Variants in RAVER1 observed in about 807,000 individuals in gnomAD.
The protein encoded by RAVER1 is ribonucleoprotein, PTB binding 1.
A neutral mutation model predicts 68.4 loss-of-function variants in RAVER1; 36 were observed. That is an observed-to-expected ratio of 0.53 (90% confidence interval 0.40 to 0.70). RAVER1 has a LOEUF of 0.70. Among genes scored for constraint, RAVER1 ranks in the 30% least tolerant of loss-of-function variants. The pLI is 0.00. For missense variants in RAVER1, 933 were observed against 1,019.8 expected, an observed-to-expected ratio of 0.91 and a Z score of 1.16; for synonymous variants, 469 against 472.7, an observed-to-expected ratio of 0.99 and a Z score of 0.10.
chr19:10,320,525 G>C, intron 9 of RAVER1, 130 bp downstream of exon 9: 7 of 549,164 alleles, frequency 1.3e-5, no homozygotes, highest in African/African-American at 2.1e-5. Context: ...AAAAAAAAAA[G>C]CAGAGACCAT....
chr19:10,333,363 C>T lies in RAVER1; in HGVS notation c.145G>A (p.Glu49Lys). 1.9e-6 allele frequency: 3 copies of T among 1,613,904 alleles called. No individual in the cohort carries two copies. Among genetic ancestry groups the T allele is most frequent in the Middle Eastern group, 1.6e-4 (1 of 6,062 alleles). The change falls in exon 1 of 13, where the codon GAA becomes AAA. Residue 49 changes from glutamate to lysine, a missense_variant. By Grantham distance (56) the Glu-to-Lys change is moderately conservative. Around this residue, in one of 3 missense-constraint regions of RAVER1, gnomAD observed 211 missense variants for 230.0 expected, o/e 0.92. Coordinates refer to ENST00000617231, the MANE Select transcript of RAVER1 (RefSeq NM_133452.3). This position sits in a 1 kb window ranked among gnomAD's most constrained non-coding sequence, Gnocchi z 4.2. ...TTACGGAACTGGCGCTCGGTGTGTT[C>T]CAGGCGTTTCCGGATCTCTTCTGGA... is the stretch of plus-strand genomic sequence containing the variant. ...LDPEEIRKRLEHTERQFRNRR... is the reference protein window; with the variant it reads ...LDPEEIRKRLKHTERQFRNRR...
In RAVER1 at chr19:10,317,210, G is replaced by A; in HGVS notation, c.*244C>T. ...GGGGGAGGGAGGGAGAGCAGGCCGG[G>A]GCCCCTCTCTCTTAAGGCTGCAGGG... On this transcript the variant is annotated 3_prime_UTR_variant, in exon 13 of 13. Coordinates refer to ENST00000617231, the MANE Select transcript of RAVER1 (RefSeq NM_133452.3). The surrounding 1 kb of genome is among the most constrained non-coding windows in gnomAD (Gnocchi z 4.3). 3.7e-6 allele frequency: 2 copies of A among 544,224 alleles called. No homozygotes were observed. The highest frequency in any genetic ancestry group is 6.5e-6 in the Non-Finnish European group (2 of 307,596). 33.7% of individuals were successfully genotyped at this position (544,224 alleles called of 1,614,324 possible).
chr19:10,332,877 A>G (rs980112737), intron 1 of RAVER1, among the ~76,000 whole-genome samples: 1 of 152,212 alleles, frequency 6.6e-6, no homozygotes, highest in African/African-American at 2.4e-5. Context: ...TACTCTCCGC[A>G]GTCCTGAAAC....
chr19:10,322,336 G>A lies in RAVER1; in HGVS notation c.1173+309C>T, dbSNP rs568487538. The A allele has an allele frequency of 1.5e-4, 58 of 385,622 alleles. No homozygotes were observed. Among genetic ancestry groups the A allele is most frequent in the South Asian group, 8.5e-5 (2 of 23,440 alleles). 23.9% of individuals were successfully genotyped at this position (385,622 alleles called of 1,614,324 possible). A position where few individuals can be genotyped will look rare whatever the true frequency, so the allele number is the denominator to read the frequency against. ...TATTCACAAACTGGTGCCCAGCAGC[G>A]GCGCTCCCAGCCCACACCCAGTTTC... is the stretch of plus-strand genomic sequence containing the variant. On this transcript the variant is annotated intron_variant, in intron 6 of 12. Coordinates refer to ENST00000617231, the MANE Select transcript of RAVER1 (RefSeq NM_133452.3). The surrounding 1 kb of genome is among the most constrained non-coding windows in gnomAD (Gnocchi z 4.3).
At chr19:10,330,891 T>C (rs561242962) in intron 1 of RAVER1, among the ~76,000 whole-genome samples, 129 of 146,298 alleles carry the variant, frequency 8.8e-4, no homozygotes, top group Non-Finnish European at 1.7e-3. Context: ...TGGTGAAACC[T>C]TGTCTCTACT....
intron 10 of RAVER1, among the ~76,000 whole-genome samples, chr19:10,318,931 G>A (rs1260776489): frequency 6.6e-6 from 1 of 152,168 alleles, no homozygotes; most frequent in Non-Finnish European, 1.5e-5. Flanking sequence ...TGTGATCCTA[G>A]CACTTTGGGA....
rs200307347 is a variant in RAVER1 at position 10,319,227 on chromosome 19, C to T, written c.1784G>A (p.Arg595Gln). 18 of 1,613,540 alleles carry T rather than the reference C, an allele frequency of 1.1e-5. No homozygotes were observed. The highest frequency in any genetic ancestry group is 1.4e-5 in the Non-Finnish European group (17 of 1,179,662). Reference protein sequence around the residue: ...SFDYPSDMGPRRLFSHPREPA... With the variant: ...SFDYPSDMGPQRLFSHPREPA... ...TTCCCGTGGGTGGGAGAAGAGCCGC[C>T]GAGGTCCCATGTCCTGAATGAAAGC... Residue 595 changes from arginine (R) to glutamine (Q), a missense_variant, in exon 10 of 13, where the codon CGG (arginine) becomes CAG (glutamine). Physicochemically the swap from Arg to Gln is conservative, Grantham distance 43 (BLOSUM62 1). Around this residue, in one of 3 missense-constraint regions of RAVER1, gnomAD observed 699 missense variants for 731.1 expected, o/e 0.96. Transcript: ENST00000617231.
chr19:10,333,403 C>T lies in RAVER1; in HGVS notation c.105G>A (p.Glu35=), dbSNP rs1568315042. ...TCTCTTCTGGATCTAGAGGCGGCAG[C>T]TCTTCTTCCGGCGCCCGGCGCTCCG... ...DAAERRAPEE[E]LPPLDPEEIR... The change falls in exon 1 of 13, where the codon GAG becomes GAA. Residue 35 remains glutamate (E), a synonymous_variant. Transcript: ENST00000617231. The surrounding 1 kb of genome is among the most constrained non-coding windows in gnomAD (Gnocchi z 4.2). 1 of 1,613,774 alleles carries T rather than the reference C, an allele frequency of 6.2e-7. No individual in the cohort carries two copies. Among genetic ancestry groups the T allele is most frequent in the Admixed American group, 1.7e-5 (1 of 60,034 alleles).
intron 1 of RAVER1, among the ~76,000 whole-genome samples, chr19:10,331,987 C>T (rs1201357921): frequency 8.6e-5 from 13 of 152,024 alleles, no homozygotes; most frequent in African/African-American, 3.1e-4. Context: ...TCTTCCAAGC[C>T]AGCTCATTTA....
At position 10,320,773 on chromosome 19, in the gene RAVER1, C is replaced by T; in HGVS notation, c.1652G>A (p.Gly551Asp). Residue 551 changes from glycine (G) to aspartate (D), a missense_variant, in exon 9 of 13, where the codon GGT (glycine) becomes GAT (aspartate). Physicochemically the swap from Gly to Asp is moderately conservative, Grantham distance 94 (BLOSUM62 -1). Transcript: ENST00000617231. ...GAAGGCTTTGCTGCTGCTGCTGCCA[C>T]CTCCAGGGGCTGGGGGGTTAGTTGG... is the stretch of plus-strand genomic sequence containing the variant. The part of the protein sequence containing the change: ...GPPTNPPAPG[G>D]GSSSSKAFQL... 2.0e-6 allele frequency: 3 copies of T among 1,497,836 alleles called. No homozygotes were observed. The highest frequency in any genetic ancestry group is 2.7e-5 in the Admixed American group (1 of 37,134). The allele number at this position is 1,497,836 out of a possible 1,614,324, so 92.8% of individuals were successfully genotyped here.
chr19:10,330,033 G>A (rs1386942785), intron 2 of RAVER1, among the ~76,000 whole-genome samples: 4 of 151,566 alleles, frequency 2.6e-5, no homozygotes, highest in African/African-American at 9.7e-5. Context: ...TGAAGCAGGG[G>A]AATGGGCTGA....
Position 10,329,240 on chromosome 19 carries a change from T to TGCC in RAVER1, c.287-132_287-130dup. The stretch of plus-strand genomic sequence containing the variant: ...TCAGGTGCCTGCTGATCTGAGCAGT[T>TGCC]GCCAGCCTTGGCGACTCACACAGGC... On this transcript the variant is annotated intron_variant, in intron 2 of 12. Coordinates refer to ENST00000617231, the MANE Select transcript of RAVER1 (RefSeq NM_133452.3). This position sits in a 1 kb window ranked among gnomAD's most constrained non-coding sequence, Gnocchi z 4.6. The TGCC allele has an allele frequency of 1.6e-6, 1 of 634,684 alleles. No homozygotes were observed. The highest frequency in any genetic ancestry group is 2.7e-6 in the Non-Finnish European group (1 of 373,228). The allele number at this position is 634,684 out of a possible 1,614,324, so 39.3% of individuals were successfully genotyped here.
chr19:10,328,584 ACTCT>A lies in RAVER1; in HGVS notation c.756+54_756+57del. 1 of 1,174,908 alleles carries A rather than the reference ACTCT, an allele frequency of 8.5e-7. No individual in the cohort carries two copies. Among genetic ancestry groups the A allele is most frequent in the South Asian group, 1.5e-5 (1 of 66,622 alleles). The allele number at this position is 1,174,908 out of a possible 1,614,324, so 72.8% of individuals were successfully genotyped here. ...AAAGAAAAGGCAGATGACTCCAAAG[ACTCT>A]CTCAGGTGCTCCGGGCCTGGCACCT... is the stretch of plus-strand genomic sequence containing the variant. On this transcript the variant is annotated intron_variant, in intron 3 of 12. Transcript: ENST00000617231. This position sits in a 1 kb window ranked among gnomAD's most constrained non-coding sequence, Gnocchi z 4.4.
rs545850333 is a variant in RAVER1 at position 10,323,086 on chromosome 19, G to A, written c.1078+59C>T. The A allele has an allele frequency of 2.3e-5, 32 of 1,375,646 alleles. No homozygotes were observed. In the East Asian group the frequency reaches 5.4e-4, roughly 23 times the overall value. The allele number at this position is 1,375,646 out of a possible 1,614,324, so 85.2% of individuals were successfully genotyped here. A position where few individuals can be genotyped will look rare whatever the true frequency, so the allele number is the denominator to read the frequency against. On this transcript the variant is annotated intron_variant, in intron 5 of 12. Coordinates refer to ENST00000617231, the MANE Select transcript of RAVER1 (RefSeq NM_133452.3). This position sits in a 1 kb window ranked among gnomAD's most constrained non-coding sequence, Gnocchi z 6.2. ...AAGATGAGCAGTTTCGGGAAGTGCC[G>A]GGGGCAGCGCTGCAGCCCCTGTTCT...
Position 10,323,281 on chromosome 19 carries a change from G to T in RAVER1, c.949-7C>A. The T allele has an allele frequency of 1.2e-6, 2 of 1,613,352 alleles. No individual in the cohort carries two copies. Among genetic ancestry groups the T allele is most frequent in the Non-Finnish European group, 1.7e-6 (2 of 1,179,650 alleles). On this transcript the variant is annotated splice_polypyrimidine_tract_variant and splice_region_variant and intron_variant, in intron 4 of 12. Transcript: ENST00000617231. The surrounding 1 kb of genome is among the most constrained non-coding windows in gnomAD (Gnocchi z 6.2). Reference sequence around the variant, plus strand: ...CCTTCCCCCGATTGAGGGCCTGCAGGAAGGAACAGAAGCAGCTCAGAGTGC... The same window carrying T: ...CCTTCCCCCGATTGAGGGCCTGCAGTAAGGAACAGAAGCAGCTCAGAGTGC...
At position 10,316,348 on chromosome 19, in the gene RAVER1, T is replaced by G. The variant is rs1465537404; in HGVS notation, c.*1106A>C. ...CAAGGGAGGGAAGCTGGTGGCCCAG[T>G]TGGCTGGGGGCAAGGCCCAGGGTCA... On this transcript the variant is annotated 3_prime_UTR_variant, in exon 13 of 13. Coordinates refer to ENST00000617231, the MANE Select transcript of RAVER1 (RefSeq NM_133452.3). 4 of 1,117,714 alleles carry G rather than the reference T, an allele frequency of 3.6e-6. No individual in the cohort carries two copies. Among genetic ancestry groups the G allele is most frequent in the Non-Finnish European group, 4.4e-6 (4 of 912,900 alleles). 69.2% of individuals were successfully genotyped at this position (1,117,714 alleles called of 1,614,324 possible). A position where few individuals can be genotyped will look rare whatever the true frequency, so the allele number is the denominator to read the frequency against.
chr19:10,325,167 C>A (rs2040465842), intron 3 of RAVER1, among the ~76,000 whole-genome samples: 1 of 152,110 alleles, frequency 6.6e-6, no homozygotes, highest in Non-Finnish European at 1.5e-5. Context: ...ATTAAAGGCA[C>A]CTACCACCAC....
Position 10,316,664 on chromosome 19 carries a change from T to C in RAVER1, c.*790A>G. 1 of 704,380 alleles carries C rather than the reference T, an allele frequency of 1.4e-6. No homozygotes were observed. The highest frequency in any genetic ancestry group is 1.7e-6 in the Non-Finnish European group (1 of 572,694). The allele number at this position is 704,380 out of a possible 1,614,324, so 43.6% of individuals were successfully genotyped here. The stretch of plus-strand genomic sequence containing the variant: ...GGCCGGTTCGCCAAGATGAAGGCTT[T>C]CCCCTTCTACTGTCCCCAGGGTGGA... On this transcript the variant is annotated 3_prime_UTR_variant, in exon 13 of 13. Coordinates refer to ENST00000617231, the MANE Select transcript of RAVER1 (RefSeq NM_133452.3).
In RAVER1 at chr19:10,329,572, C is replaced by T. The variant is rs1450833768; in HGVS notation, c.287-461G>A. ...GGCCCAGAGCAGCACCCCTGTGCCC[C>T]GAGTAGGGGAGCCTGGACTTGAACC... On this transcript the variant is annotated intron_variant, in intron 2 of 12. Transcript: ENST00000617231. This position sits in a 1 kb window ranked among gnomAD's most constrained non-coding sequence, Gnocchi z 4.6. 2.0e-5 allele frequency among the ~76,000 whole-genome samples: 3 copies of T among 151,998 alleles called. No homozygotes were observed. The highest frequency in any genetic ancestry group is 4.8e-5 in the African/African-American group (2 of 41,402).
Sources: allele counts gnomAD v4.1 joint callset (sites outside exome capture counted in the v4.1 genomes callset), GRCh38; gene constraint gnomAD v4.1.1; regional missense constraint gnomAD v4.1.1; non-coding constraint Gnocchi (gnomAD v3.1); transcripts MANE v1.5; gene names NCBI Gene and HGNC (gene_info 2026-07-23, HGNC 2026-07-21).